Variants in CADPS2 observed in about 807,000 individuals in gnomAD.
CADPS2 encodes the protein calcium-dependent secretion activator 2.
In CADPS2, 93 loss-of-function variants were observed where a neutral mutation model predicts 172.5. That is an observed-to-expected ratio of 0.54 (90% CI 0.46 to 0.64). The LOEUF is 0.64. CADPS2 is among the 30% of genes least tolerant of loss of function. The pLI, the probability that CADPS2 is intolerant of heterozygous loss-of-function variation, is 0.00. For synonymous variants in CADPS2, 546 were observed against 555.2 expected (o/e 0.98, Z 0.23); for missense variants, 1,420 against 1,565.9 (o/e 0.91, Z 1.57).
At chr7:122,719,578 T>C (rs1218928395) in intron 2 of CADPS2, among the ~76,000 whole-genome samples, 2 of 152,282 alleles carry the variant, frequency 1.3e-5, no homozygotes, top group East Asian at 3.9e-4. Context: ...TTTAATACTT[T>C]TATTCTTGAA....
intron 6 of CADPS2, among the ~76,000 whole-genome samples, chr7:122,612,129 T>TCCC (rs1158697798): frequency 6.6e-6 from 1 of 151,898 alleles, no homozygotes; most frequent in East Asian, 1.9e-4. Context: ...ATTATATGCT[T>TCCC]CCCCCCTGTG....
intron 1 of CADPS2, among the ~76,000 whole-genome samples, chr7:122,858,900 TA>T (rs1264339995): frequency 6.6e-6 from 1 of 152,132 alleles, no homozygotes; most frequent in Non-Finnish European, 1.5e-5. Context: ...AAGTTGCCAG[TA>T]AAATGTTAAT....
chr7:122,541,898 T>C (rs1254636019), intron 8 of CADPS2, among the ~76,000 whole-genome samples: 1 of 142,960 alleles, frequency 7.0e-6, no homozygotes, highest in Non-Finnish European at 1.5e-5. Context: ...CATATATATT[T>C]ATATATTCAT....
In CADPS2 at chr7:122,601,067, G is replaced by A. The variant is rs558842756; in HGVS notation, c.1223+14114C>T. Among the ~76,000 whole-genome samples, 14 of 152,064 alleles carry A rather than the reference G, an allele frequency of 9.2e-5. 1 individual carries two copies. The South Asian group carries it at 2.5e-3, about 27-fold the overall frequency. On this transcript the variant is annotated intron_variant, in intron 6 of 29. Coordinates refer to ENST00000449022, the MANE Select transcript of CADPS2 (RefSeq NM_017954.11). ...ACATCATTAGAATCATATTCATAGT[G>A]CATAAATATTGTATCACTTTTTTTT...
intron 1 of CADPS2, among the ~76,000 whole-genome samples, chr7:122,809,740 T>C (rs7784699): frequency 6.6e-6 from 1 of 152,190 alleles, no homozygotes; most frequent in African/African-American, 2.4e-5. Context: ...TCTCCTCCTG[T>C]CTTGTTATTC....
chr7:122,841,645 A>G (rs1810540454), intron 1 of CADPS2, among the ~76,000 whole-genome samples: 1 of 152,194 alleles, frequency 6.6e-6, no homozygotes, highest in Non-Finnish European at 1.5e-5. Flanking sequence ...CAAAGCTGAA[A>G]AAGAGAAGAT....
At chr7:122,835,508 C>A (rs1374909952) in intron 1 of CADPS2, among the ~76,000 whole-genome samples, 1 of 152,156 alleles carries the variant, frequency 6.6e-6, no homozygotes, top group African/African-American at 2.4e-5. Flanking sequence ...GAAGTTCGAA[C>A]CCAACGCAAA....
intron 1 of CADPS2, among the ~76,000 whole-genome samples, chr7:122,766,906 A>G (rs2093568480): frequency 6.6e-6 from 1 of 152,162 alleles, no homozygotes; most frequent in Non-Finnish European, 1.5e-5. Flanking sequence ...TGTATTTCCT[A>G]CATATGAGGT....
At chr7:122,383,038 T>A (rs2043204146) in intron 24 of CADPS2, among the ~76,000 whole-genome samples, 1 of 152,084 alleles carries the variant, frequency 6.6e-6, no homozygotes, top group Non-Finnish European at 1.5e-5. Context: ...ACTTGTATGT[T>A]CATTGCCATG....
chr7:122,561,522 ATCAT>A (rs2065780866), intron 7 of CADPS2, among the ~76,000 whole-genome samples: 1 of 152,162 alleles, frequency 6.6e-6, no homozygotes, highest in Non-Finnish European at 1.5e-5. Context: ...AGATGTGTCA[ATCAT>A]TCTCCAGTTT....
At chr7:122,809,964 G>A (rs1799672403) in intron 1 of CADPS2, among the ~76,000 whole-genome samples, 1 of 152,122 alleles carries the variant, frequency 6.6e-6, no homozygotes, top group Non-Finnish European at 1.5e-5. Flanking sequence ...ATACACATAT[G>A]CACACATGTT....
intron 2 of CADPS2, chr7:122,681,757 A>G (rs530803321): frequency 2.4e-5 from 13 of 537,624 alleles, no homozygotes; most frequent in Non-Finnish European, 4.1e-5. Context: ...AAAGAAAGAA[A>G]AAAAACAACA....
intron 1 of CADPS2, among the ~76,000 whole-genome samples, chr7:122,820,565 T>TG (rs1563099170): frequency 8.3e-6 from 1 of 120,806 alleles, no homozygotes; most frequent in East Asian, 2.2e-4. Flanking sequence ...TGTTTTTTTT[T>TG]TTTTTTTTTT....
chr7:122,868,646 C>A (rs1818912807), intron 1 of CADPS2, among the ~76,000 whole-genome samples: 1 of 152,094 alleles, frequency 6.6e-6, no homozygotes, highest in Admixed American at 6.6e-5. Flanking sequence ...ATCTAATGCA[C>A]AGAAACCAAC....
At chr7:122,326,045 A>G (rs985254470) in intron 28 of CADPS2, among the ~76,000 whole-genome samples, 4 of 151,066 alleles carry the variant, frequency 2.6e-5, no homozygotes, top group African/African-American at 9.7e-5. Context: ...TGTAGTCAAT[A>G]CCTAAAATTA....
At chr7:122,434,957 G>A (rs1210682686) in intron 17 of CADPS2, among the ~76,000 whole-genome samples, 1 of 152,080 alleles carries the variant, frequency 6.6e-6, no homozygotes, top group African/African-American at 2.4e-5. Flanking sequence ...TGGTGGATAT[G>A]CTTAAAACAT....
intron 6 of CADPS2, among the ~76,000 whole-genome samples, chr7:122,584,191 A>G (rs1022115455): frequency 3.9e-5 from 6 of 151,952 alleles, no homozygotes; most frequent in Admixed American, 3.3e-4. Flanking sequence ...AATGATAATT[A>G]TCTGTTCCTA....
At chr7:122,654,511 T>C (rs1295575899) in intron 3 of CADPS2, among the ~76,000 whole-genome samples, 4 of 152,250 alleles carry the variant, frequency 2.6e-5, no homozygotes, top group Admixed American at 1.3e-4. Flanking sequence ...ATGCTAAATC[T>C]ACTTTGCTAG....
rs192859418 is a variant in CADPS2, at chr7:122,839,741, C to A, written c.339+46258G>T. 3.2e-3 allele frequency among the ~76,000 whole-genome samples: 481 copies of A among 152,312 alleles called. 2 individuals are homozygous for A. Among genetic ancestry groups the A allele is most frequent in the African/African-American group, 0.011 (465 of 41,576 alleles). ...AAAACCACAATGAGATACCATCTCA[C>A]ACCAGTTAGAATGGCAATCATTAAA... On this transcript the variant is annotated intron_variant, in intron 1 of 29. Transcript: ENST00000449022.
Sources: gnomAD v4.1 joint callset for allele counts (sites outside exome capture counted in the v4.1 genomes callset) on GRCh38, gnomAD v4.1.1 for gene constraint, MANE v1.5 for transcripts, NCBI Gene and HGNC (gene_info 2026-07-23, HGNC 2026-07-21) for gene names.